The following CSTF1 variants were observed in gnomAD, a reference collection of about 807,000 sequenced individuals.
CSTF1 encodes CF-1 50 kDa subunit.
In CSTF1, 2 loss-of-function variants were observed where a neutral mutation model predicts 40.9. The observed-to-expected ratio is 0.05, with a 90% CI of 0.02 to 0.15. The LOEUF is 0.15. CSTF1 is among the 10% of genes least tolerant of loss of function. CSTF1 has a pLI of 1.00. For synonymous variants in CSTF1, 218 were observed against 207.2 expected, an observed-to-expected ratio of 1.05 and a Z score of -0.45; for missense variants, 279 against 558.9, an observed-to-expected ratio of 0.50 and a Z score of 5.05.
chr20:56,401,836 G>A (rs1947611531), intron 5 of CSTF1, among the ~76,000 whole-genome samples: 5 of 152,212 alleles, frequency 3.3e-5, no homozygotes, highest in Admixed American at 2.6e-4. Context: ...TGGAACAGAT[G>A]AGAAAATTAA....
At position 56,397,909 on chromosome 20, in the gene CSTF1, C is replaced by T; in HGVS notation, c.645+68C>T. 7.7e-7 allele frequency: 1 copy of T among 1,290,490 alleles called. No homozygotes were observed. Among genetic ancestry groups the T allele is most frequent in the East Asian group, 2.3e-5 (1 of 42,770 alleles). 79.9% of individuals were successfully genotyped at this position (1,290,490 alleles called of 1,614,324 possible). On this transcript the variant is annotated intron_variant, in intron 4 of 5. Transcript: ENST00000217109. This position sits in a 1 kb window ranked among gnomAD's most constrained non-coding sequence, Gnocchi z 4.4. ...CAATGAGCTATTGTACAACTATTCT[C>T]TTTTTAAAAGTAGTCTCAGTGATCA...
In CSTF1 at chr20:56,399,436, G is replaced by A; in HGVS notation, c.1036+79G>A. 2 of 1,271,512 alleles carry A rather than the reference G, an allele frequency of 1.6e-6. No homozygotes were observed. The highest frequency in any genetic ancestry group is 1.4e-5 in the South Asian group (1 of 71,392). The allele number at this position is 1,271,512 out of a possible 1,614,324, so 78.8% of individuals were successfully genotyped here. A position where few individuals can be genotyped will look rare whatever the true frequency, so the allele number is the denominator to read the frequency against. ...AACTCTCTTTTAAGACCTCACAATA[G>A]AGCAACACAATATCTATGCATTGAG... On this transcript the variant is annotated intron_variant, in intron 5 of 5. Coordinates refer to ENST00000217109, the MANE Select transcript of CSTF1 (RefSeq NM_001324.3). This position sits in a 1 kb window ranked among gnomAD's most constrained non-coding sequence, Gnocchi z 4.6.
intron 1 of CSTF1, among the ~76,000 whole-genome samples, chr20:56,393,167 C>CGT (rs1987353826): frequency 7.2e-5 from 1 of 13,920 alleles, no homozygotes; most frequent in Non-Finnish European, 2.0e-4. Flanking sequence ...TATACACACA[C>CGT]ATATGTGTGT....
rs71198364 is a variant in CSTF1 at position 56,404,812 on chromosome 20, A to ATTTTTTTTTTTTTTTTTTTTTTTTTTT, written c.*1111_*1112insTTTTTTTTTTTTTTTTTTTTTTTTTTT. ...AGGCACCCACCACCACGCCCGGCTA[A>ATTTTTTTTTTTTTTTTTTTTTTTTTTT]TTTTTTTTTTTTTTTTTTTTTTTTT... On this transcript the variant is annotated 3_prime_UTR_variant, in exon 6 of 6. Transcript: ENST00000217109. 7.9e-4 allele frequency: 40 copies of ATTTTTTTTTTTTTTTTTTTTTTTTTTT among 50,924 alleles called. No homozygotes were observed. Among genetic ancestry groups the ATTTTTTTTTTTTTTTTTTTTTTTTTTT allele is most frequent in the Non-Finnish European group, 9.7e-4 (32 of 32,896 alleles). 3.2% of individuals were successfully genotyped at this position (50,924 alleles called of 1,614,324 possible).
chr20:56,399,183 T>G lies in CSTF1; in HGVS notation c.862T>G (p.Leu288Val). The stretch of plus-strand genomic sequence containing the variant: ...TGGAAGCAAGGACGGCTGCATCAAA[T>G]TATGGGATGGTGTTTCAAATCGATG... ...VTGSKDGCIKLWDGVSNRCIT... is the reference protein window; with the variant it reads ...VTGSKDGCIKVWDGVSNRCIT... The change falls in exon 5 of 6, where the codon TTA (leucine) becomes GTA (valine). Residue 288 changes from leucine (L) to valine (V), a missense_variant. By Grantham distance (32) the Leu-to-Val change is conservative. This residue lies in a region of CSTF1 where 162 missense variants were observed against 337.1 expected (regional missense o/e 0.48). Transcript: ENST00000217109. The surrounding 1 kb of genome is among the most constrained non-coding windows in gnomAD (Gnocchi z 4.6). 3 of 1,614,210 alleles carry G rather than the reference T, an allele frequency of 1.9e-6. No individual in the cohort carries two copies. Among genetic ancestry groups the G allele is most frequent in the Non-Finnish European group, 2.5e-6 (3 of 1,180,028 alleles).
intron 1 of CSTF1, among the ~76,000 whole-genome samples, chr20:56,393,147 T>C (rs28403623): frequency 9.5e-5 from 6 of 62,958 alleles, no homozygotes; most frequent in South Asian, 1.1e-3. Context: ...CACACACACA[T>C]ATACATATAT....
rs1978370321 is a variant in CSTF1 at position 56,399,657 on chromosome 20, C to T, written c.1036+300C>T. On this transcript the variant is annotated intron_variant, in intron 5 of 5. Transcript: ENST00000217109. The surrounding 1 kb of genome is among the most constrained non-coding windows in gnomAD (Gnocchi z 4.6). ...TGATCCATTTGTAGACTGGCATGCC[C>T]TCTTCCCACAGAAATGTGAAAGCAA... is the stretch of plus-strand genomic sequence containing the variant. Among the ~76,000 whole-genome samples, 1 of 152,168 alleles carries T rather than the reference C, an allele frequency of 6.6e-6. No homozygotes were observed. The highest frequency in any genetic ancestry group is 2.4e-5 in the African/African-American group (1 of 41,436).
Position 56,395,458 on chromosome 20 carries a change from C to A in CSTF1, c.-32-63C>A, listed in dbSNP as rs1987490328. ...CAAGATTAAGTCTGACCAAAGAGTC[C>A]TATGTTGCTTCTGTGATTTACTAGA... On this transcript the variant is annotated intron_variant, in intron 1 of 5. Transcript: ENST00000217109. 6 of 1,053,622 alleles carry A rather than the reference C, an allele frequency of 5.7e-6. No homozygotes were observed. The Admixed American group carries it at 1.3e-4, about 23-fold the overall frequency. 65.3% of individuals were successfully genotyped at this position (1,053,622 alleles called of 1,614,324 possible). A position where few individuals can be genotyped will look rare whatever the true frequency, so the allele number is the denominator to read the frequency against.
rs1230509994 is a variant in CSTF1 at position 56,405,930 on chromosome 20, A to G, written c.*2203A>G. 3 of 152,340 alleles carry G rather than the reference A, an allele frequency of 2.0e-5. No homozygotes were observed. Among genetic ancestry groups the G allele is most frequent in the African/African-American group, 4.8e-5 (2 of 41,572 alleles). The allele number at this position is 152,340 out of a possible 1,614,324, so 9.4% of individuals were successfully genotyped here. On this transcript the variant is annotated 3_prime_UTR_variant, in exon 6 of 6. Transcript: ENST00000217109. The stretch of plus-strand genomic sequence containing the variant: ...TCCCTATTATTCTGCTTTGACTCAC[A>G]TACTAAAATGACCACATGGCACTCC...
Position 56,397,655 on chromosome 20 carries a change from T to G in CSTF1, c.459T>G (p.Asn153Lys). Reference sequence around the variant, plus strand: ...TCTTGTTGGTCTAGGTCATGATGAATGAGACCGCACAACAAAATATGGAAA... The same window carrying G: ...TCTTGTTGGTCTAGGTCATGATGAAGGAGACCGCACAACAAAATATGGAAA... Reference protein sequence around the residue: ...KSAMPIEVMMNETAQQNMENH... With the variant: ...KSAMPIEVMMKETAQQNMENH... Residue 153 changes from asparagine (N) to lysine (K), a missense_variant, in exon 4 of 6, where the codon AAT (asparagine) becomes AAG (lysine). Transcript: ENST00000217109. The surrounding 1 kb of genome is among the most constrained non-coding windows in gnomAD (Gnocchi z 4.4). The G allele has an allele frequency of 6.2e-7, 1 of 1,614,194 alleles. No homozygotes were observed. Among genetic ancestry groups the G allele is most frequent in the Non-Finnish European group, 8.5e-7 (1 of 1,180,010 alleles).
At chr20:56,396,336 A>G (rs1423030872) in intron 2 of CSTF1, among the ~76,000 whole-genome samples, 1 of 152,242 alleles carries the variant, frequency 6.6e-6, no homozygotes, top group Non-Finnish European at 1.5e-5. Context: ...GGCAGTGCCA[A>G]TTGTGAGCAT....
rs545396193 is a variant in CSTF1 at position 56,403,823 on chromosome 20, G to A, written c.*96G>A. Reference sequence around the variant, plus strand: ...CGTAAGTCCGTGCACCATCCTTGACGTTTTGCTGCCACCTCTGTCCACATT... The same window carrying A: ...CGTAAGTCCGTGCACCATCCTTGACATTTTGCTGCCACCTCTGTCCACATT... On this transcript the variant is annotated 3_prime_UTR_variant, in exon 6 of 6. Transcript: ENST00000217109. 3.5e-5 allele frequency: 43 copies of A among 1,244,842 alleles called. No individual in the cohort carries two copies. Among genetic ancestry groups the A allele is most frequent in the South Asian group, 1.0e-4 (7 of 70,320 alleles). 77.1% of individuals were successfully genotyped at this position (1,244,842 alleles called of 1,614,324 possible).
rs1421804439 is a variant in CSTF1, at chr20:56,402,321, AAG to A, written c.1037-1141_1037-1140del. 1.3e-3 allele frequency among the ~76,000 whole-genome samples: 192 copies of A among 145,244 alleles called. 1 individual carries two copies. The highest frequency in any genetic ancestry group is 4.3e-3 in the African/African-American group (169 of 39,124). On this transcript the variant is annotated intron_variant, in intron 5 of 5. Coordinates refer to ENST00000217109, the MANE Select transcript of CSTF1 (RefSeq NM_001324.3). ...GACTCTATCTCAAAAAAAAAAAAAA[AAG>A]AGAGAATTTACAAGTGAGCACATAA...
chr20:56,403,403 GCTAGAACGTTCTGAGGGT>G, intron 5 of CSTF1, 47 bp from the exon 6 acceptor site: 5 of 1,582,902 alleles, frequency 3.2e-6, no homozygotes, highest in Non-Finnish European at 2.6e-6. Flanking sequence ...TACATTGAAT[GCTAGAACGTTCTGAGGGT>G]CTAAGATGTG....
chr20:56,395,532 A>G lies in CSTF1; in HGVS notation c.-21A>G. On this transcript the variant is annotated 5_prime_UTR_variant, in exon 2 of 6. Coordinates refer to ENST00000217109, the MANE Select transcript of CSTF1 (RefSeq NM_001324.3). Reference sequence around the variant, plus strand: ...TTCCGTTTTTGCAGCTGGCAGGGAAACTGTCTTCCTTTTCTCCAAGATGTA... The same window carrying G: ...TTCCGTTTTTGCAGCTGGCAGGGAAGCTGTCTTCCTTTTCTCCAAGATGTA... 1 of 1,603,782 alleles carries G rather than the reference A, an allele frequency of 6.2e-7. No homozygotes were observed. The highest frequency in any genetic ancestry group is 8.5e-7 in the Non-Finnish European group (1 of 1,173,750).
At position 56,397,781 on chromosome 20, in the gene CSTF1, T is replaced by C. The variant is rs1346985135; in HGVS notation, c.585T>C (p.Tyr195=). The C allele has an allele frequency of 5.6e-6, 9 of 1,614,174 alleles. No homozygotes were observed. Among genetic ancestry groups the C allele is most frequent in the South Asian group, 2.2e-5 (2 of 91,086 alleles). ...TCCTGGCTTCTGGTTCAAGGGATTA[T>C]ACTCTTAAATTATTTGATTATTCCA... is the stretch of plus-strand genomic sequence containing the variant. ...EQILASGSRD[Y]TLKLFDYSKP... Residue 195 remains tyrosine, a synonymous_variant, in exon 4 of 6, where the codon TAT becomes TAC. Transcript: ENST00000217109. This position sits in a 1 kb window ranked among gnomAD's most constrained non-coding sequence, Gnocchi z 4.4.
intron 5 of CSTF1, among the ~76,000 whole-genome samples, chr20:56,402,232 A>G: frequency 6.6e-6 from 1 of 150,796 alleles, no homozygotes; most frequent in East Asian, 2.0e-4. Context: ...TCTTGAACCC[A>G]GGAGGCAGAG....
At chr20:56,394,713 A>G (rs1411457215) in intron 1 of CSTF1, among the ~76,000 whole-genome samples, 1 of 152,250 alleles carries the variant, frequency 6.6e-6, no homozygotes, top group Non-Finnish European at 1.5e-5. Context: ...TGGTAAGCAA[A>G]TTATCATGTT....
chr20:56,403,670 G>A lies in CSTF1; in HGVS notation c.1239G>A (p.Met413Ile). 6.2e-7 allele frequency: 1 copy of A among 1,613,992 alleles called. No homozygotes were observed. Residue 413 changes from methionine to isoleucine, a missense_variant, in exon 6 of 6, where the codon ATG (methionine) becomes ATA (isoleucine). Coordinates refer to ENST00000217109, the MANE Select transcript of CSTF1 (RefSeq NM_001324.3). Reference protein sequence around the residue: ...IVHSPTNPGFMTCSDDFRARF... With the variant: ...IVHSPTNPGFITCSDDFRARF... ...ACTCCCCCACCAACCCCGGGTTCAT[G>A]ACGTGCAGCGATGACTTCAGAGCGC... is the stretch of plus-strand genomic sequence containing the variant.
Sources: gnomAD v4.1 joint callset for allele counts (sites outside exome capture counted in the v4.1 genomes callset) on GRCh38, gnomAD v4.1.1 for gene constraint, gnomAD v4.1.1 regional missense constraint, Gnocchi (gnomAD v3.1) non-coding constraint, MANE v1.5 for transcripts, NCBI Gene and HGNC (gene_info 2026-07-23, HGNC 2026-07-21) for gene names.